The following HS6ST3 variants were observed in gnomAD, a reference collection of about 807,000 sequenced individuals.
HS6ST3 encodes the protein heparan-sulfate 6-O-sulfotransferase 3.
HS6ST3 carries 12 observed loss-of-function variants against 36.7 expected under a neutral mutation model. The observed-to-expected ratio is 0.33, with a 90% CI of 0.21 to 0.53. The LOEUF (loss-of-function observed/expected upper bound fraction) is 0.53, where lower values mean the gene tolerates loss of function less well. Ranked by LOEUF, HS6ST3 falls within the 20% of genes least tolerant of loss-of-function variation. The pLI is 0.95. For synonymous variants in HS6ST3, 240 were observed against 257.5 expected (o/e 0.93, Z 0.65); for missense variants, 584 against 640.9 (o/e 0.91, Z 0.96).
intron 1 of HS6ST3, among the ~76,000 whole-genome samples, chr13:96,580,784 A>G (rs991047147): frequency 3.3e-5 from 5 of 152,140 alleles, no homozygotes; most frequent in Admixed American, 6.5e-5. Flanking sequence ...CAGGCTTCTC[A>G]TCTATTCCCT....
intron 1 of HS6ST3, among the ~76,000 whole-genome samples, chr13:96,425,914 G>A (rs1467715066): frequency 6.6e-6 from 1 of 151,524 alleles, no homozygotes; most frequent in Non-Finnish European, 1.5e-5. Context: ...TATTGCACAA[G>A]CCCTTACTGA....
intron 1 of HS6ST3, among the ~76,000 whole-genome samples, chr13:96,119,786 A>G (rs1475018594): frequency 6.6e-6 from 1 of 152,118 alleles, no homozygotes; most frequent in East Asian, 1.9e-4. Context: ...CAGTGGAGAT[A>G]GGGTTGTTGT....
chr13:96,242,271 G>A (rs1372901668), intron 1 of HS6ST3, among the ~76,000 whole-genome samples: 1 of 150,928 alleles, frequency 6.6e-6, no homozygotes, highest in Non-Finnish European at 1.5e-5. Context: ...CCCCAAGGTA[G>A]AGTGCAATGG....
intron 1 of HS6ST3, among the ~76,000 whole-genome samples, chr13:96,254,490 TATATATATACAC>T (rs2054626631): frequency 3.6e-5 from 1 of 27,426 alleles, no homozygotes; most frequent in Non-Finnish European, 7.3e-5. Context: ...TATATATATA[TATATATATACAC>T]ATACATACAC....
chr13:96,405,625 G>T (rs557732082), intron 1 of HS6ST3, among the ~76,000 whole-genome samples: 29 of 152,150 alleles, frequency 1.9e-4, no homozygotes, highest in African/African-American at 6.7e-4. Context: ...AATATTAAGC[G>T]CATCCTATAT....
At chr13:96,497,271 TA>T (rs2055981890) in intron 1 of HS6ST3, among the ~76,000 whole-genome samples, 1 of 152,150 alleles carries the variant, frequency 6.6e-6, no homozygotes, top group Non-Finnish European at 1.5e-5. Flanking sequence ...CTGCTAATGT[TA>T]CTACCTGCAT....
intron 1 of HS6ST3, among the ~76,000 whole-genome samples, chr13:96,585,350 T>C (rs899486321): frequency 6.6e-6 from 1 of 152,220 alleles, no homozygotes; most frequent in Non-Finnish European, 1.5e-5. Flanking sequence ...TTTTTTAAAT[T>C]TTTAATTGAC....
Position 96,091,045 on chromosome 13 carries a change from G to A in HS6ST3, c.183G>A (p.Pro61=). Residue 61 remains proline (P), a synonymous_variant, in exon 1 of 2, where the codon CCG becomes CCA. Coordinates refer to ENST00000376705, the MANE Select transcript of HS6ST3 (RefSeq NM_153456.4). ...VPGPARRAQA[P]PEEWERRPQL... ...GTCCCGCCCGCCGGGCTCAGGCGCC[G>A]CCGGAGGAGTGGGAGCGGCGGCCCC... The A allele has an allele frequency of 2.4e-6, 3 of 1,255,564 alleles. No individual in the cohort carries two copies. Among genetic ancestry groups the A allele is most frequent in the Non-Finnish European group, 3.0e-6 (3 of 1,001,416 alleles). 77.8% of individuals were successfully genotyped at this position (1,255,564 alleles called of 1,614,324 possible). A position where few individuals can be genotyped will look rare whatever the true frequency, so the allele number is the denominator to read the frequency against.
At chr13:96,674,404 T>A (rs144510073) in intron 1 of HS6ST3, among the ~76,000 whole-genome samples, 17 of 152,254 alleles carry the variant, frequency 1.1e-4, no homozygotes, top group African/African-American at 4.1e-4. Context: ...ACTAATACAC[T>A]GTGAAACCTC....
intron 1 of HS6ST3, among the ~76,000 whole-genome samples, chr13:96,146,793 T>A (rs948830927): frequency 6.6e-6 from 1 of 152,206 alleles, no homozygotes; most frequent in African/African-American, 2.4e-5. Flanking sequence ...ATGATTTCTT[T>A]AAAGTTATTT....
At chr13:96,479,096 G>A (rs538910313) in intron 1 of HS6ST3, among the ~76,000 whole-genome samples, 2 of 152,216 alleles carry the variant, frequency 1.3e-5, no homozygotes, top group Non-Finnish European at 2.9e-5. Context: ...GCAGAGGAGT[G>A]TCAAGGGGAC....
chr13:96,651,812 T>C (rs2056608570), intron 1 of HS6ST3, among the ~76,000 whole-genome samples: 1 of 152,116 alleles, frequency 6.6e-6, no homozygotes, highest in South Asian at 2.1e-4. Context: ...AACCATGTTC[T>C]AACCTTGGCT....
chr13:96,710,850 T>C (rs927203077), intron 1 of HS6ST3, among the ~76,000 whole-genome samples: 2 of 152,240 alleles, frequency 1.3e-5, no homozygotes, highest in Admixed American at 6.5e-5. Context: ...CATCTACCTC[T>C]GCCCTGGGAA....
intron 1 of HS6ST3, among the ~76,000 whole-genome samples, chr13:96,500,947 T>C (rs2056001197): frequency 2.0e-5 from 3 of 152,260 alleles, no homozygotes; most frequent in Middle Eastern, 3.4e-3. Context: ...GTGAGACAGA[T>C]TACAATTTAT....
chr13:96,213,995 A>C (rs1460433663), intron 1 of HS6ST3, among the ~76,000 whole-genome samples: 1 of 152,170 alleles, frequency 6.6e-6, no homozygotes, highest in African/African-American at 2.4e-5. Flanking sequence ...TAGTTTAGGA[A>C]ATAAAACCTA....
At chr13:96,175,631 GTAT>G (rs1475357002) in intron 1 of HS6ST3, among the ~76,000 whole-genome samples, 1 of 141,310 alleles carries the variant, frequency 7.1e-6, no homozygotes, top group Non-Finnish European at 1.5e-5. Flanking sequence ...ACCTTTTTGT[GTAT>G]TATTTTATGT....
intron 1 of HS6ST3, among the ~76,000 whole-genome samples, chr13:96,587,702 G>A (rs2056367028): frequency 6.6e-6 from 1 of 152,166 alleles, no homozygotes; most frequent in Non-Finnish European, 1.5e-5. Flanking sequence ...CTGAGAGATG[G>A]CATTACTCCC....
intron 1 of HS6ST3, among the ~76,000 whole-genome samples, chr13:96,360,646 CAAAA>C (rs5805964): frequency 1.5e-5 from 2 of 134,410 alleles, no homozygotes; most frequent in Non-Finnish European, 1.6e-5. Context: ...TTTGTATTAT[CAAAA>C]AAAAAAAAAA....
intron 1 of HS6ST3, among the ~76,000 whole-genome samples, chr13:96,491,968 C>A (rs1475654375): frequency 1.3e-5 from 2 of 152,166 alleles, no homozygotes; most frequent in Non-Finnish European, 2.9e-5. Context: ...CCACTACTTA[C>A]CCCACTTAGT....
Sources: gnomAD v4.1 joint callset for allele counts (sites outside exome capture counted in the v4.1 genomes callset) on GRCh38, gnomAD v4.1.1 for gene constraint, MANE v1.5 for transcripts, NCBI Gene and HGNC (gene_info 2026-07-23, HGNC 2026-07-21) for gene names.